The following ABHD18 variants were observed in gnomAD, a reference collection of about 807,000 sequenced individuals.
ABHD18 encodes cardiolipin-specific deacylase, mitochondrial.
A neutral mutation model predicts 65.9 loss-of-function variants in ABHD18; 55 were observed. The ratio of observed to expected loss-of-function variants is 0.84; its 90% CI spans 0.67 to 1.05. The LOEUF (loss-of-function observed/expected upper bound fraction) is 1.05. Among genes scored for constraint, ABHD18 ranks in the 50% least tolerant of loss-of-function variants. The pLI is 0.00. For missense variants in ABHD18, 533 were observed against 558.5 expected (o/e 0.95, Z 0.46); for synonymous variants, 181 against 180.2 (o/e 1.00, Z -0.04).
chr4:127,969,749 ATT>A (rs200187541), intron 1 of ABHD18, among the ~76,000 whole-genome samples: 20 of 141,834 alleles, frequency 1.4e-4, no homozygotes, highest in East Asian at 2.1e-4. Flanking sequence ...AGGTGTTGGA[ATT>A]TTTTTTTTTT....
intron 4 of ABHD18, among the ~76,000 whole-genome samples, chr4:128,006,183 G>T (rs998013066): frequency 1.3e-5 from 2 of 152,162 alleles, no homozygotes; most frequent in African/African-American, 4.8e-5. Context: ...TGGGTAGTTA[G>T]TTAATACTCC....
intron 4 of ABHD18, among the ~76,000 whole-genome samples, chr4:127,996,917 C>T (rs1435602479): frequency 6.6e-6 from 1 of 152,210 alleles, no homozygotes; most frequent in Non-Finnish European, 1.5e-5. Context: ...CTGAAAATCG[C>T]TGTTGTTCTG....
rs1439738262 is a variant in ABHD18, at chr4:128,039,174, T to A, written c.*3361T>A. ...ATATATATATATATATATATATATA[T>A]ATATATATATAATCTCAAAGAAGTG... On this transcript the variant is annotated 3_prime_UTR_variant, in exon 13 of 13. Coordinates refer to ENST00000645843, the MANE Select transcript of ABHD18 (RefSeq NM_001358451.3). The A allele has an allele frequency of 8.3e-6, 1 of 121,168 alleles. No individual in the cohort carries two copies. The highest frequency in any genetic ancestry group is 1.8e-5 in the Non-Finnish European group (1 of 56,550). The allele number at this position is 121,168 out of a possible 1,614,324, so 7.5% of individuals were successfully genotyped here. A position where few individuals can be genotyped will look rare whatever the true frequency, so the allele number is the denominator to read the frequency against.
intron 4 of ABHD18, among the ~76,000 whole-genome samples, chr4:128,007,187 C>T (rs982404293): frequency 6.6e-6 from 1 of 151,990 alleles, no homozygotes; most frequent in Non-Finnish European, 1.5e-5. Flanking sequence ...GGCGTGATAG[C>T]ACATGCCTGT....
In ABHD18 at chr4:128,003,921, G is replaced by A. The variant is rs572075237; in HGVS notation, c.279-4999G>A. 2.8e-5 allele frequency among the ~76,000 whole-genome samples: 4 copies of A among 144,984 alleles called. No individual in the cohort carries two copies. The South Asian group carries it at 8.8e-4, about 32-fold the overall frequency. On this transcript the variant is annotated intron_variant, in intron 4 of 12. Coordinates refer to ENST00000645843, the MANE Select transcript of ABHD18 (RefSeq NM_001358451.3). The stretch of plus-strand genomic sequence containing the variant: ...ATCATGCCACTGCACTTCAGCCTGG[G>A]TAACAGAGCAAGACCCTGTCTCGAT...
chr4:128,019,569 T>C (rs72618817), intron 8 of ABHD18, among the ~76,000 whole-genome samples: 12,333 of 152,240 alleles, frequency 0.081, 992 homozygotes, highest in East Asian at 0.27. Context: ...AGTAACTTTT[T>C]GAAAAGATAA....
chr4:128,023,254 A>G (rs569320494), intron 10 of ABHD18, among the ~76,000 whole-genome samples: 124 of 152,018 alleles, frequency 8.2e-4, no homozygotes, highest in South Asian at 3.3e-3. Flanking sequence ...TTGCTTGCCT[A>G]AGAACTTTAT....
chr4:128,006,982 C>T (rs1045151108), intron 4 of ABHD18, among the ~76,000 whole-genome samples: 4 of 152,102 alleles, frequency 2.6e-5, no homozygotes, highest in African/African-American at 9.7e-5. Context: ...TGCATCTCTA[C>T]TTAAAATACA....
intron 4 of ABHD18, among the ~76,000 whole-genome samples, chr4:127,990,084 C>A (rs1009082488): frequency 6.6e-6 from 1 of 152,078 alleles, no homozygotes; most frequent in Non-Finnish European, 1.5e-5. Context: ...ACTGTGGATA[C>A]CATTAGTAAC....
chr4:128,005,184 A>G (rs138763478), intron 4 of ABHD18, among the ~76,000 whole-genome samples: 1 of 152,216 alleles, frequency 6.6e-6, no homozygotes, highest in Non-Finnish European at 1.5e-5. Flanking sequence ...AGCTGTGATC[A>G]TACCACTGCA....
intron 6 of ABHD18, 100 bp from the exon 7 acceptor site, chr4:128,011,573 T>G: frequency 3.9e-6 from 3 of 772,958 alleles, no homozygotes; most frequent in Non-Finnish European, 6.0e-6. Context: ...ATGGAGTTAT[T>G]TCAGTATTAA....
At chr4:128,034,249 G>A (rs991200995) in intron 12 of ABHD18, among the ~76,000 whole-genome samples, 2 of 151,998 alleles carry the variant, frequency 1.3e-5, no homozygotes, top group African/African-American at 2.4e-5. Flanking sequence ...AAGCCACCGC[G>A]CCTGGCCTAG....
At chr4:128,011,800 C>T in intron 7 of ABHD18, 100 bp downstream of exon 7, 3 of 593,902 alleles carry the variant, frequency 5.1e-6, no homozygotes, top group Non-Finnish European at 5.3e-6. Flanking sequence ...AATTGAATAC[C>T]TAAATATTAT....
chr4:128,028,667 C>G lies in ABHD18; in HGVS notation c.994C>G (p.Gln332Glu). The G allele has an allele frequency of 1.9e-6, 3 of 1,613,768 alleles. No homozygotes were observed. The highest frequency in any genetic ancestry group is 2.5e-6 in the Non-Finnish European group (3 of 1,179,810). The change falls in exon 11 of 13, where the codon CAA becomes GAA. Residue 332 changes from glutamine to glutamate, a missense_variant. This residue lies in a region of ABHD18 where 220 missense variants were observed against 226.8 expected (regional missense o/e 0.97). Coordinates refer to ENST00000645843, the MANE Select transcript of ABHD18 (RefSeq NM_001358451.3). ...VSATSEGLLL[Q>E]DTSKMKRFNQ... ...TGCGACATCAGAAGGACTCTTATTG[C>G]AAGATACCTCTAAGATGAAGCGCTT...
chr4:127,984,481 A>G lies in ABHD18; in HGVS notation c.177+58A>G. The G allele has an allele frequency of 2.1e-6, 2 of 953,668 alleles. 1 individual carries two copies. The highest frequency in any genetic ancestry group is 3.2e-6 in the Non-Finnish European group (2 of 634,228). The allele number at this position is 953,668 out of a possible 1,614,324, so 59.1% of individuals were successfully genotyped here. The stretch of plus-strand genomic sequence containing the variant: ...TTGTGGTTTGACATAAATATGTCTA[A>G]GAATAGATTACATATTGGAGTATAA... On this transcript the variant is annotated intron_variant, in intron 3 of 12. Transcript: ENST00000645843.
At chr4:128,032,007 T>C (rs538792026) in intron 12 of ABHD18, among the ~76,000 whole-genome samples, 46 of 152,364 alleles carry the variant, frequency 3.0e-4, no homozygotes, top group African/African-American at 1.1e-3. Flanking sequence ...AGGACCCACA[T>C]GCTTGCATTA....
At chr4:127,983,574 T>TA (rs1379390359) in intron 2 of ABHD18, among the ~76,000 whole-genome samples, 1 of 151,482 alleles carries the variant, frequency 6.6e-6, no homozygotes, top group Admixed American at 6.6e-5. Context: ...CTACTAAACA[T>TA]AAAAAAATTG....
chr4:127,991,829 T>G (rs539504495), intron 4 of ABHD18, among the ~76,000 whole-genome samples: 1 of 152,342 alleles, frequency 6.6e-6, no homozygotes, highest in Admixed American at 6.5e-5. Context: ...AGTGAACGTA[T>G]TGGAATCCTG....
At position 128,028,840 on chromosome 4, in the gene ABHD18, A is replaced by G. The variant is rs930886318; in HGVS notation, c.1167A>G (p.Val389=). 8.4e-6 allele frequency: 13 copies of G among 1,550,660 alleles called. No homozygotes were observed. The African/African-American group carries it at 1.7e-4, about 20-fold the overall frequency. ...GAGTCATGGATGAATGTACTCATGT[A>G]GCAAATTTCTCAGGTACTAATTTTT... ...MKGVMDECTH[V]ANFSVPVDPS... The change falls in exon 11 of 13, where the codon GTA becomes GTG. Residue 389 remains valine, a synonymous_variant. Transcript: ENST00000645843.
Sources: gnomAD v4.1 joint callset for allele counts (sites outside exome capture counted in the v4.1 genomes callset) on GRCh38, gnomAD v4.1.1 for gene constraint, gnomAD v4.1.1 regional missense constraint, MANE v1.5 for transcripts, NCBI Gene and HGNC (gene_info 2026-07-23, HGNC 2026-07-21) for gene names.